Variants in ADGB observed in about 807,000 individuals in gnomAD.
The protein encoded by ADGB is calpain-7-like protein.
Under a neutral mutation model 210.5 loss-of-function variants are expected in ADGB, and 172 were observed. The ratio of observed to expected loss-of-function variants is 0.82; its 90% CI spans 0.72 to 0.93. The LOEUF is 0.93. Ranked by LOEUF, ADGB falls within the 40% of genes least tolerant of loss-of-function variation. The probability of loss-of-function intolerance (pLI) is 0.00; values close to 1 mark genes in which losing one functional copy is unlikely to be tolerated. For missense variants in ADGB, 2,025 were observed against 1,964.8 expected (o/e 1.03, Z -0.58); for synonymous variants, 658 against 662.7 (o/e 0.99, Z 0.11).
At chr6:146,792,384 T>C (rs562420499) in intron 33 of ADGB, among the ~76,000 whole-genome samples, 22 of 152,350 alleles carry the variant, frequency 1.4e-4, no homozygotes, top group African/African-American at 5.0e-4. Flanking sequence ...TTATGTCACC[T>C]TCAATTTCTT....
chr6:146,754,609 GATTT>G (rs1777381398), intron 27 of ADGB, among the ~76,000 whole-genome samples: 1 of 151,700 alleles, frequency 6.6e-6, no homozygotes, highest in South Asian at 2.1e-4. Context: ...CATGGGCTAT[GATTT>G]ATTTTTTACT....
intron 7 of ADGB, among the ~76,000 whole-genome samples, chr6:146,670,060 C>T (rs1205290125): frequency 6.6e-6 from 1 of 152,116 alleles, no homozygotes; most frequent in Non-Finnish European, 1.5e-5. Context: ...ACATTCTCTA[C>T]TTACTCTGAA....
At chr6:146,675,681 G>A (rs1035327583) in intron 8 of ADGB, among the ~76,000 whole-genome samples, 2 of 151,964 alleles carry the variant, frequency 1.3e-5, no homozygotes, top group African/African-American at 4.8e-5. Context: ...ATTTGTTAGG[G>A]AATTAAAAAA....
At chr6:146,660,791 A>C (rs191542726) in intron 5 of ADGB, among the ~76,000 whole-genome samples, 1 of 152,300 alleles carries the variant, frequency 6.6e-6, no homozygotes, top group East Asian at 1.9e-4. Context: ...AAATATTTGC[A>C]AATTCTTAAT....
At position 146,701,072 on chromosome 6, in the gene ADGB, T is replaced by C; in HGVS notation, c.1707+2T>C. 1 of 1,549,892 alleles carries C rather than the reference T, an allele frequency of 6.5e-7. No homozygotes were observed. Among genetic ancestry groups the C allele is most frequent in the Non-Finnish European group, 8.7e-7 (1 of 1,146,144 alleles). On this transcript the variant is annotated splice_donor_variant, in intron 13 of 35. Coordinates refer to ENST00000397944, the MANE Select transcript of ADGB (RefSeq NM_024694.4). LOFTEE classifies it high-confidence loss of function. ...CAAATAACAAAAGCTACATCTCAGG[T>C]GACTATGTTACTCTTACTGTTGGCC...
chr6:146,657,381 C>T (rs1483859450), intron 5 of ADGB, among the ~76,000 whole-genome samples: 2 of 151,806 alleles, frequency 1.3e-5, no homozygotes, highest in Non-Finnish European at 2.9e-5. Flanking sequence ...GGAAGGTTGC[C>T]TTGCACACCA....
intron 27 of ADGB, among the ~76,000 whole-genome samples, chr6:146,760,999 G>T (rs1042830929): frequency 6.6e-6 from 1 of 151,828 alleles, no homozygotes; most frequent in Non-Finnish European, 1.5e-5. Context: ...CTGGATACAA[G>T]TTCTTCATCA....
intron 12 of ADGB, among the ~76,000 whole-genome samples, chr6:146,698,731 C>T (rs566576352): frequency 6.6e-6 from 1 of 152,040 alleles, no homozygotes; most frequent in Non-Finnish European, 1.5e-5. Flanking sequence ...TAGTTTTTTT[C>T]TCAAACTTTT....
intron 19 of ADGB, among the ~76,000 whole-genome samples, chr6:146,726,473 T>A (rs1776897237): frequency 1.3e-5 from 2 of 152,296 alleles, no homozygotes; most frequent in Admixed American, 1.3e-4. Flanking sequence ...TCTGCCCACC[T>A]CAGCCTCCCA....
intron 27 of ADGB, among the ~76,000 whole-genome samples, chr6:146,756,219 A>T (rs1398449913): frequency 6.6e-6 from 1 of 152,138 alleles, no homozygotes; most frequent in Non-Finnish European, 1.5e-5. Flanking sequence ...GGTACCACTG[A>T]AGGATTTATT....
intron 7 of ADGB, among the ~76,000 whole-genome samples, chr6:146,669,207 A>G (rs1270880011): frequency 6.6e-6 from 1 of 152,104 alleles, no homozygotes; most frequent in Non-Finnish European, 1.5e-5. Flanking sequence ...AAAAAACAAT[A>G]AAATGTGCTA....
intron 1 of ADGB, among the ~76,000 whole-genome samples, chr6:146,634,054 T>G (rs1781102180): frequency 6.6e-6 from 1 of 152,144 alleles, no homozygotes; most frequent in Admixed American, 6.6e-5. Context: ...CATTCTGTTT[T>G]AACTTTTATA....
chr6:146,781,803 G>A (rs1777804075), intron 29 of ADGB, among the ~76,000 whole-genome samples: 1 of 152,130 alleles, frequency 6.6e-6, no homozygotes, highest in Admixed American at 6.5e-5. Context: ...AAAGCCTGCG[G>A]GTTCATCCAC....
Position 146,781,939 on chromosome 6 carries a change from T to C in ADGB, c.3863-81T>C, listed in dbSNP as rs1777806305. 5.9e-6 allele frequency: 6 copies of C among 1,017,756 alleles called. No homozygotes were observed. In the African/African-American group the frequency reaches 6.8e-5, roughly 11 times the overall value. The allele number at this position is 1,017,756 out of a possible 1,614,324, so 63.0% of individuals were successfully genotyped here. A position where few individuals can be genotyped will look rare whatever the true frequency, so the allele number is the denominator to read the frequency against. ...ATCTATTAGCTTAACCATATGTCCC[T>C]GAGTTGATTCCCTTGTCCCCTGTGA... On this transcript the variant is annotated intron_variant, in intron 29 of 35. Transcript: ENST00000397944.
Position 146,745,952 on chromosome 6 carries a change from A to G in ADGB, c.3208A>G (p.Thr1070Ala). ...KGYTFVAEAF[T>A]GDTYVAASRW... ...ATACACTTTTGTGGCGGAAGCATTTACAGGCGACACATATGTAGCAGCCTC... is the reference window on the plus strand; with the variant it reads ...ATACACTTTTGTGGCGGAAGCATTTGCAGGCGACACATATGTAGCAGCCTC... Residue 1070 changes from threonine (T) to alanine (A), a missense_variant, in exon 26 of 36, where the codon ACA becomes GCA. Transcript: ENST00000397944. 2 of 1,549,560 alleles carry G rather than the reference A, an allele frequency of 1.3e-6. No individual in the cohort carries two copies. Among genetic ancestry groups the G allele is most frequent in the Non-Finnish European group, 1.7e-6 (2 of 1,146,120 alleles).
At chr6:146,629,967 T>C (rs1781035350) in intron 1 of ADGB, among the ~76,000 whole-genome samples, 1 of 152,224 alleles carries the variant, frequency 6.6e-6, no homozygotes, top group Non-Finnish European at 1.5e-5. Flanking sequence ...CTAGGCACTG[T>C]GGCTCGTGCC....
intron 35 of ADGB, among the ~76,000 whole-genome samples, chr6:146,806,284 G>T (rs1045598115): frequency 6.6e-6 from 1 of 152,158 alleles, no homozygotes; most frequent in African/African-American, 2.4e-5. Flanking sequence ...CATTTTAAGA[G>T]AAACATGATC....
chr6:146,806,367 A>T (rs185721959), intron 35 of ADGB, among the ~76,000 whole-genome samples: 4 of 152,342 alleles, frequency 2.6e-5, no homozygotes, highest in Middle Eastern at 6.8e-3. Flanking sequence ...ACTGATGTAT[A>T]TTAAACTTAT....
chr6:146,666,873 A>G lies in ADGB; in HGVS notation c.810A>G (p.Thr270=). Residue 270 remains threonine, a synonymous_variant, in exon 7 of 36, where the codon ACA becomes ACG. Transcript: ENST00000397944. ...AGTTCACGGTTATTCATGCGCTCAC[A>G]GGATGGTTACCAGAAGTCATTTCTC... The part of the protein sequence containing the change: ...LGEFTVIHAL[T]GWLPEVISLH... 2 of 1,546,862 alleles carry G rather than the reference A, an allele frequency of 1.3e-6. No individual in the cohort carries two copies. The highest frequency in any genetic ancestry group is 1.7e-6 in the Non-Finnish European group (2 of 1,143,272).
Sources: allele counts gnomAD v4.1 joint callset (sites outside exome capture counted in the v4.1 genomes callset), GRCh38; gene constraint gnomAD v4.1.1; transcripts MANE v1.5; gene names NCBI Gene and HGNC (gene_info 2026-07-23, HGNC 2026-07-21).